YEATS2: variants seen among roughly 807,000 people sequenced by gnomAD.
YEATS2 encodes YEATS domain containing 2.
In YEATS2, 77 loss-of-function variants were observed where a neutral mutation model predicts 163.2. The observed-to-expected ratio is 0.47, with a 90% confidence interval of 0.39 to 0.57. YEATS2 has a LOEUF of 0.57. YEATS2 is among the 20% of genes least tolerant of loss of function. The probability of loss-of-function intolerance (pLI) is 0.00; values close to 1 mark genes in which losing one functional copy is unlikely to be tolerated. For synonymous variants in YEATS2, 631 were observed against 645.1 expected (o/e 0.98, Z 0.33); for missense variants, 1,549 against 1,729.8 (o/e 0.90, Z 1.85).
chr3:183,801,129 G>A (rs932106549), intron 24 of YEATS2: 7 of 206,602 alleles, frequency 3.4e-5, no homozygotes, highest in African/African-American at 1.6e-4. Context: ...CCTAAGATGG[G>A]TATACAGAAT....
rs749637060 is a variant in YEATS2, at chr3:183,804,086, C to T, written c.3682C>T (p.His1228Tyr). The part of the protein sequence containing the change: ...LTPLKTKHIA[H>Y]WCRCHGYTPP... The stretch of plus-strand genomic sequence containing the variant: ...TCCCCTCAAAACCAAGCACATCGCT[C>T]ACTGGTGCCGCTGTCATGGCTACAC... Residue 1228 changes from histidine to tyrosine, a missense_variant, in exon 27 of 31, where the codon CAC becomes TAC. Transcript: ENST00000305135. 4.6e-5 allele frequency: 75 copies of T among 1,614,012 alleles called. No homozygotes were observed. Among genetic ancestry groups the T allele is most frequent in the Non-Finnish European group, 6.0e-5 (71 of 1,180,030 alleles).
intron 8 of YEATS2, among the ~76,000 whole-genome samples, chr3:183,741,620 A>G (rs1015398620): frequency 2.0e-5 from 3 of 151,650 alleles, no homozygotes; most frequent in Non-Finnish European, 4.4e-5. Context: ...CGTCTCTACT[A>G]AAAATACAAA....
chr3:183,725,332 C>CA (rs1304601452), intron 6 of YEATS2, among the ~76,000 whole-genome samples: 1 of 152,148 alleles, frequency 6.6e-6, no homozygotes, highest in Non-Finnish European at 1.5e-5. Flanking sequence ...GGTAAATCCT[C>CA]AGATACTGCC....
Position 183,768,887 on chromosome 3 carries a change from G to A in YEATS2, c.1948-3418G>A, listed in dbSNP as rs560368938. On this transcript the variant is annotated intron_variant, in intron 15 of 30. Coordinates refer to ENST00000305135, the MANE Select transcript of YEATS2 (RefSeq NM_018023.5). ...CTCAGGAGGCAAAGGCAGGAGAATT[G>A]CTTGAACCCAGGAGGCGGAGGTTGC... 2.0e-5 allele frequency among the ~76,000 whole-genome samples: 3 copies of A among 152,310 alleles called. No homozygotes were observed. The South Asian group carries it at 6.2e-4, about 32-fold the overall frequency.
At chr3:183,699,301 G>A (rs1445283315) in intron 1 of YEATS2, among the ~76,000 whole-genome samples, 3 of 151,808 alleles carry the variant, frequency 2.0e-5, no homozygotes, top group Non-Finnish European at 4.4e-5. Flanking sequence ...TGGGAAAAAC[G>A]AATTCTATTT....
intron 9 of YEATS2, among the ~76,000 whole-genome samples, chr3:183,748,633 T>C (rs1477742397): frequency 2.0e-5 from 3 of 151,784 alleles, no homozygotes; most frequent in African/African-American, 7.3e-5. Context: ...GACAGGGTCT[T>C]ACTCTGTCAG....
chr3:183,749,746 T>C (rs908712524), intron 9 of YEATS2, among the ~76,000 whole-genome samples: 11 of 152,146 alleles, frequency 7.2e-5, no homozygotes, highest in Non-Finnish European at 1.6e-4. Context: ...TAATCTGTCC[T>C]TAGCCTGTCA....
At chr3:183,707,745 G>A (rs1160243835) in intron 1 of YEATS2, among the ~76,000 whole-genome samples, 9 of 145,866 alleles carry the variant, frequency 6.2e-5, no homozygotes, top group Non-Finnish European at 1.0e-4. Flanking sequence ...GTGCAGTGGC[G>A]CAATCTCGGA....
rs1313872397 is a variant in YEATS2 at position 183,761,553 on chromosome 3, G to C, written c.1703G>C (p.Gly568Ala). 2 of 1,614,002 alleles carry C rather than the reference G, an allele frequency of 1.2e-6. No homozygotes were observed. Among genetic ancestry groups the C allele is most frequent in the South Asian group, 2.2e-5 (2 of 91,088 alleles). The part of the protein sequence containing the change: ...FASMPPLCPI[G>A]SHPKVQSPKP... ...TCTATGCCACCTCTTTGCCCAATTG[G>C]GAGTCACCCTAAGGTTCAAAGCCCC... The change falls in exon 14 of 31, where the codon GGG (glycine) becomes GCG (alanine). Residue 568 changes from glycine (G) to alanine (A), a missense_variant. Transcript: ENST00000305135.
chr3:183,774,697 C>G (rs1271233712), intron 17 of YEATS2, among the ~76,000 whole-genome samples: 1 of 152,168 alleles, frequency 6.6e-6, no homozygotes, highest in East Asian at 1.9e-4. Flanking sequence ...AATTATTTCC[C>G]TCTGAATCAG....
intron 7 of YEATS2, among the ~76,000 whole-genome samples, chr3:183,732,645 C>T (rs1397079645): frequency 2.6e-5 from 4 of 151,466 alleles, no homozygotes; most frequent in African/African-American, 7.3e-5. Flanking sequence ...CTGCAAGCTC[C>T]GCCTCCCGGG....
intron 18 of YEATS2, 52 bp from the exon 19 acceptor site, chr3:183,777,490 A>C: frequency 6.3e-7 from 1 of 1,588,180 alleles, no homozygotes; most frequent in Non-Finnish European, 8.6e-7. Flanking sequence ...AGAACAGCCC[A>C]TCTGAATTTA....
rs373979541 is a variant in YEATS2, at chr3:183,770,154, C to T, written c.1948-2151C>T. ...CTGTAATCCCAGCACTTTGGGAGGC[C>T]GAGGCGGGCGGATCACGAGGTCAGG... On this transcript the variant is annotated intron_variant, in intron 15 of 30. Transcript: ENST00000305135. Among the ~76,000 whole-genome samples, 22 of 151,414 alleles carry T rather than the reference C, an allele frequency of 1.5e-4. No homozygotes were observed. In the South Asian group the frequency reaches 1.7e-3, roughly 11 times the overall value.
intron 29 of YEATS2, among the ~76,000 whole-genome samples, chr3:183,808,573 G>C (rs1348691307): frequency 6.6e-6 from 1 of 152,192 alleles, no homozygotes; most frequent in Non-Finnish European, 1.5e-5. Flanking sequence ...ACAATGTCTA[G>C]GGCTGGGCGC....
At chr3:183,769,553 CAA>C (rs1560292665) in intron 15 of YEATS2, among the ~76,000 whole-genome samples, 1 of 152,160 alleles carries the variant, frequency 6.6e-6, no homozygotes, top group Non-Finnish European at 1.5e-5. Flanking sequence ...TGGTAAAACT[CAA>C]GAGAGGTTAA....
Position 183,809,155 on chromosome 3 carries a change from C to T in YEATS2, c.4145C>T (p.Thr1382Ile). 6 of 1,614,136 alleles carry T rather than the reference C, an allele frequency of 3.7e-6. No homozygotes were observed. Among genetic ancestry groups the T allele is most frequent in the South Asian group, 1.1e-5 (1 of 91,082 alleles). The change falls in exon 30 of 31, where the codon ACA (threonine) becomes ATA (isoleucine). Residue 1382 changes from threonine to isoleucine, a missense_variant. Transcript: ENST00000305135. ...CAGGCTTTGGCAGTTGGATACCAGACAGCTTCTCACAACAGGTATTACTAT... is the reference window on the plus strand; with the variant it reads ...CAGGCTTTGGCAGTTGGATACCAGATAGCTTCTCACAACAGGTATTACTAT... ...LRQALAVGYQTASHNRIPKEI... is the reference protein window; with the variant it reads ...LRQALAVGYQIASHNRIPKEI...
chr3:183,760,315 T>G (rs930478394), intron 13 of YEATS2, among the ~76,000 whole-genome samples: 3,388 of 52,690 alleles, frequency 0.064, 158 homozygotes, highest in African/African-American at 0.14. Context: ...ACTACAGAAT[T>G]TTTTTTTTTT....
In YEATS2 at chr3:183,761,604, C is replaced by CTT; in HGVS notation, c.1756_1757dup (p.Thr587SerfsTer4). The CTT allele has an allele frequency of 6.2e-7, 1 of 1,614,030 alleles. No individual in the cohort carries two copies. The highest frequency in any genetic ancestry group is 8.5e-7 in the Non-Finnish European group (1 of 1,179,874). ...AAACCTATAACAGGAGGACTTGGAG[C>CTT]TTTCACAAAAGTGAGTATGTATTAG... is the stretch of plus-strand genomic sequence containing the variant. On this transcript the variant is annotated frameshift_variant, in exon 14 of 31. Transcript: ENST00000305135. LOFTEE classifies it high-confidence loss of function.
chr3:183,742,914 A>G (rs758578014), intron 8 of YEATS2, among the ~76,000 whole-genome samples: 4 of 152,236 alleles, frequency 2.6e-5, no homozygotes, highest in Non-Finnish European at 5.9e-5. Context: ...CCCTCCACCA[A>G]CAAAGAGATT....
Sources: gnomAD v4.1 joint callset for allele counts (sites outside exome capture counted in the v4.1 genomes callset) on GRCh38, gnomAD v4.1.1 for gene constraint, MANE v1.5 for transcripts, NCBI Gene and HGNC (gene_info 2026-07-23, HGNC 2026-07-21) for gene names.